EIF2B2: variants seen among roughly 807,000 people sequenced by gnomAD.
The protein encoded by EIF2B2 is eukaryotic translation initiation factor 2B subunit beta.
Under a neutral mutation model 34.7 loss-of-function variants are expected in EIF2B2, and 34 were observed. The observed-to-expected ratio is 0.98, with a 90% CI of 0.75 to 1.31. The LOEUF (loss-of-function observed/expected upper bound fraction) is 1.31, where lower values mean the gene tolerates loss of function less well. Ranked by LOEUF, EIF2B2 falls within the 50% of genes most tolerant of loss-of-function variation. The probability of loss-of-function intolerance (pLI) is 0.00; values close to 1 mark genes in which losing one functional copy is unlikely to be tolerated. For synonymous variants in EIF2B2, 155 were observed against 171.6 expected (o/e 0.90, Z 0.76); for missense variants, 361 against 447.7 (o/e 0.81, Z 1.75).
chr14:75,006,244 G>C lies in EIF2B2; in HGVS notation c.693+283G>C, dbSNP rs1261718730. On this transcript the variant is annotated intron_variant, in intron 5 of 7. Coordinates refer to ENST00000266126, the MANE Select transcript of EIF2B2 (RefSeq NM_014239.4). The surrounding 1 kb of genome is among the most constrained non-coding windows in gnomAD (Gnocchi z 4.1). The stretch of plus-strand genomic sequence containing the variant: ...TCAGTTTCTAGGGATTGGCTACAGG[G>C]CTCCTGCCTTATGCTCAAAGAGCTT... 1 of 522,090 alleles carries C rather than the reference G, an allele frequency of 1.9e-6. No homozygotes were observed. The highest frequency in any genetic ancestry group is 3.2e-5 in the Admixed American group (1 of 31,336). 32.3% of individuals were successfully genotyped at this position (522,090 alleles called of 1,614,324 possible).
Position 75,004,701 on chromosome 14 carries a change from T to A in EIF2B2, c.434-36T>A, listed in dbSNP as rs759931855. 14,199 of 484,032 alleles carry A rather than the reference T, an allele frequency of 0.029. 1,130 individuals are homozygous for A. Among genetic ancestry groups the A allele is most frequent in the East Asian group, 0.12 (1,005 of 8,362 alleles). The allele number at this position is 484,032 out of a possible 1,614,324, so 30.0% of individuals were successfully genotyped here. On this transcript the variant is annotated intron_variant, in intron 3 of 7. Coordinates refer to ENST00000266126, the MANE Select transcript of EIF2B2 (RefSeq NM_014239.4). ...TATATATATATATATTTTTTTTTTT[T>A]TTTTTTTTTTTTTTTTTGCAAAACC... is the stretch of plus-strand genomic sequence containing the variant.
rs752769636 is a variant in EIF2B2 at position 75,006,571 on chromosome 14, C to T, written c.694-6C>T. 1 of 1,613,726 alleles carries T rather than the reference C, an allele frequency of 6.2e-7. No individual in the cohort carries two copies. The highest frequency in any genetic ancestry group is 8.5e-7 in the Non-Finnish European group (1 of 1,180,006). On this transcript the variant is annotated splice_region_variant and splice_polypyrimidine_tract_variant and intron_variant, in intron 5 of 7. Transcript: ENST00000266126. This position sits in a 1 kb window ranked among gnomAD's most constrained non-coding sequence, Gnocchi z 4.1. ...GATGGCTCACATTTTTTGTCTTGTC[C>T]CAAAGGTGATCATTGGCACGAAGAC...
rs1478356127 is a variant in EIF2B2 at position 75,003,311 on chromosome 14, G to T, written c.200G>T (p.Arg67Met). The T allele has an allele frequency of 6.2e-7, 1 of 1,613,978 alleles. No homozygotes were observed. Among genetic ancestry groups the T allele is most frequent in the South Asian group, 1.1e-5 (1 of 91,056 alleles). The change falls in exon 2 of 8, where the codon AGG becomes ATG. Residue 67 changes from arginine (R) to methionine (M), a missense_variant. Coordinates refer to ENST00000266126, the MANE Select transcript of EIF2B2 (RefSeq NM_014239.4). ...LMELIRREGR[R>M]MTAAQPSETT... ...GAGCTGATCCGCAGAGAGGGCAGGAGGATGACGGCCGCTCAGCCCTCCGAG... is the reference window on the plus strand; with the variant it reads ...GAGCTGATCCGCAGAGAGGGCAGGATGATGACGGCCGCTCAGCCCTCCGAG...
In EIF2B2 at chr14:75,004,925, C is replaced by T. The variant is rs1297992141; in HGVS notation, c.597+25C>T. On this transcript the variant is annotated intron_variant, in intron 4 of 7. Transcript: ENST00000266126. ...GGTAAGGAGACTGCTGGAGTTGCTA[C>T]TAAGAAAAATGAAAAATGAAGAAGA... is the stretch of plus-strand genomic sequence containing the variant. The T allele has an allele frequency of 3.7e-6, 6 of 1,607,234 alleles. No individual in the cohort carries two copies. In the South Asian group the frequency reaches 6.6e-5, roughly 18 times the overall value.
intron 4 of EIF2B2, 157 bp downstream of exon 4, chr14:75,005,057 T>TC (rs1303529418): frequency 7.5e-6 from 6 of 800,300 alleles, no homozygotes; most frequent in Non-Finnish European, 2.0e-6. Context: ...AAGGTGTTCG[T>TC]CCTGTGAACA....
chr14:75,003,651 C>A lies in EIF2B2; in HGVS notation c.385C>A (p.Leu129Ile). 6.2e-7 allele frequency: 1 copy of A among 1,614,224 alleles called. No homozygotes were observed. Among genetic ancestry groups the A allele is most frequent in the Non-Finnish European group, 8.5e-7 (1 of 1,180,042 alleles). The change falls in exon 3 of 8, where the codon CTC (leucine) becomes ATC (isoleucine). Residue 129 changes from leucine (L) to isoleucine (I), a missense_variant. Physicochemically the swap from Leu to Ile is conservative, Grantham distance 5 (BLOSUM62 2). Transcript: ENST00000266126. ...GGATTTCAGCTTCCATTATGCCCAA[C>A]TCCAGTCCAACATCATTGAGGCGAT... Reference protein sequence around the residue: ...NEDFSFHYAQLQSNIIEAINE... With the variant: ...NEDFSFHYAQIQSNIIEAINE...
At chr14:75,005,781 A>G in intron 4 of EIF2B2, 85 bp from the exon 5 acceptor site, 1 of 1,048,956 alleles carries the variant, frequency 9.5e-7, no homozygotes, top group Non-Finnish European at 1.5e-6. Flanking sequence ...ATATCACACA[A>G]TTCCCCAGAT....
Position 75,004,718 on chromosome 14 carries a change from T to G in EIF2B2, c.434-19T>G, listed in dbSNP as rs1889600679. The G allele has an allele frequency of 8.8e-7, 1 of 1,133,750 alleles. No individual in the cohort carries two copies. The allele number at this position is 1,133,750 out of a possible 1,614,324, so 70.2% of individuals were successfully genotyped here. On this transcript the variant is annotated intron_variant, in intron 3 of 7. Coordinates refer to ENST00000266126, the MANE Select transcript of EIF2B2 (RefSeq NM_014239.4). The stretch of plus-strand genomic sequence containing the variant: ...TTTTTTTTTTTTTTTTTTTTTTTTT[T>G]GCAAAACCGTTCTTACAGAAGGGAC...
chr14:75,003,478 G>T, intron 2 of EIF2B2, 73 bp from the exon 3 acceptor site: 1 of 1,614,040 alleles, frequency 6.2e-7, no homozygotes, highest in Non-Finnish European at 8.5e-7. Context: ...GACTTTATTG[G>T]AGCTGAACAG....
At position 75,006,907 on chromosome 14, in the gene EIF2B2, T is replaced by C; in HGVS notation, c.831+193T>C. The C allele has an allele frequency of 1.2e-6, 1 of 860,764 alleles. No individual in the cohort carries two copies. The highest frequency in any genetic ancestry group is 1.9e-6 in the Non-Finnish European group (1 of 525,832). 53.3% of individuals were successfully genotyped at this position (860,764 alleles called of 1,614,324 possible). ...AGTAAAACAGTTGAGAGTTCTCAGC[T>C]GTCAACTTTAGGAAGTCAAGATTGT... On this transcript the variant is annotated intron_variant, in intron 6 of 7. Coordinates refer to ENST00000266126, the MANE Select transcript of EIF2B2 (RefSeq NM_014239.4). This position sits in a 1 kb window ranked among gnomAD's most constrained non-coding sequence, Gnocchi z 4.1.
chr14:75,012,288 T>G lies in EIF2B2; in HGVS notation c.*3100T>G, dbSNP rs1469657009. 6.6e-6 allele frequency: 1 copy of G among 152,098 alleles called. No individual in the cohort carries two copies. The highest frequency in any genetic ancestry group is 1.5e-5 in the Non-Finnish European group (1 of 68,006). The allele number at this position is 152,098 out of a possible 1,614,324, so 9.4% of individuals were successfully genotyped here. A position where few individuals can be genotyped will look rare whatever the true frequency, so the allele number is the denominator to read the frequency against. On this transcript the variant is annotated 3_prime_UTR_variant, in exon 8 of 8. Coordinates refer to ENST00000266126, the MANE Select transcript of EIF2B2 (RefSeq NM_014239.4). ...AAACAAAAAAACAACTGTTGTAGCTTGGAGAGAATTAATAGAACTAGGATT... is the reference window on the plus strand; with the variant it reads ...AAACAAAAAAACAACTGTTGTAGCTGGGAGAGAATTAATAGAACTAGGATT...
intron 3 of EIF2B2, 63 bp from the exon 4 acceptor site, chr14:75,004,666 CATATATAT>C (rs1230382829): frequency 1.1e-5 from 2 of 184,104 alleles, no homozygotes; most frequent in African/African-American, 8.2e-5. Flanking sequence ...ATAGCAATTT[CATATATAT>C]ATATATATAT....
At chr14:75,005,480 GGTCT>G (rs1889614398) in intron 4 of EIF2B2, among the ~76,000 whole-genome samples, 1 of 152,108 alleles carries the variant, frequency 6.6e-6, no homozygotes, top group Admixed American at 6.5e-5. Context: ...ACTAATGCTT[GGTCT>G]GACCTCACTT....
chr14:75,007,836 G>A (rs756771779), intron 7 of EIF2B2, 48 bp downstream of exon 7: 12 of 1,574,426 alleles, frequency 7.6e-6, no homozygotes. Context: ...TGTATTCGGG[G>A]TTTGTGTGTG....
Position 75,009,178 on chromosome 14 carries a change from A to T in EIF2B2, c.1046A>T (p.His349Leu). 2 of 1,614,042 alleles carry T rather than the reference A, an allele frequency of 1.2e-6. No individual in the cohort carries two copies. Among genetic ancestry groups the T allele is most frequent in the Non-Finnish European group, 8.5e-7 (1 of 1,179,982 alleles). Residue 349 changes from histidine (H) to leucine (L), a missense_variant, in exon 8 of 8, where the codon CAT (histidine) becomes CTT (leucine). Coordinates refer to ENST00000266126, the MANE Select transcript of EIF2B2 (RefSeq NM_014239.4). ...LMSELYHPDDHVL is the reference protein window; with the variant it reads ...LMSELYHPDDLVL Reference sequence around the variant, plus strand: ...AGTGAACTCTACCATCCTGATGATCATGTTTTATGACCGACCACACGTGTC... The same window carrying T: ...AGTGAACTCTACCATCCTGATGATCTTGTTTTATGACCGACCACACGTGTC...
At chr14:75,008,242 C>T (rs1006070766) in intron 7 of EIF2B2, 20 of 224,228 alleles carry the variant, frequency 8.9e-5, no homozygotes, top group African/African-American at 4.5e-4. Flanking sequence ...TCTCTGGCTT[C>T]TTCTGAAGGC....
In EIF2B2 at chr14:75,003,638, C is replaced by T. The variant is rs769455036; in HGVS notation, c.372C>T (p.Phe124=). 5.6e-6 allele frequency: 9 copies of T among 1,614,198 alleles called. No homozygotes were observed. The highest frequency in any genetic ancestry group is 7.6e-6 in the Non-Finnish European group (9 of 1,180,032). ...TSGGLNEDFS[F]HYAQLQSNII... ...GAGGCCTAAACGAGGATTTCAGCTT[C>T]CATTATGCCCAACTCCAGTCCAACA... Residue 124 remains phenylalanine (F), a synonymous_variant, in exon 3 of 8, where the codon TTC becomes TTT. Transcript: ENST00000266126.
intron 4 of EIF2B2, 198 bp downstream of exon 4, chr14:75,005,098 C>A: frequency 3.2e-6 from 2 of 624,596 alleles, no homozygotes; most frequent in Non-Finnish European, 5.6e-6. Context: ...AAAGTTGGGG[C>A]CGGGAGCGAT....
chr14:75,005,070 C>A, intron 4 of EIF2B2, 170 bp downstream of exon 4: 1 of 727,606 alleles, frequency 1.4e-6, no homozygotes, highest in Non-Finnish European at 2.3e-6. Flanking sequence ...TGTGAACATT[C>A]ATAAATAGTG....
Sources: gnomAD v4.1 joint callset for allele counts (sites outside exome capture counted in the v4.1 genomes callset) on GRCh38, gnomAD v4.1.1 for gene constraint, Gnocchi (gnomAD v3.1) non-coding constraint, MANE v1.5 for transcripts, NCBI Gene and HGNC (gene_info 2026-07-23, HGNC 2026-07-21) for gene names.